Variants in PKHD1 observed in about 807,000 individuals in gnomAD.
The protein encoded by PKHD1 is fibrocystin.
PKHD1 carries 291 observed loss-of-function variants against 412.0 expected under a neutral mutation model. That is an observed-to-expected ratio of 0.71 (90% confidence interval 0.64 to 0.78). PKHD1 has a LOEUF of 0.78. Among genes scored for constraint, PKHD1 ranks in the 30% least tolerant of loss-of-function variants. The probability of loss-of-function intolerance (pLI) is 0.00; values close to 1 mark genes in which losing one functional copy is unlikely to be tolerated. For synonymous variants in PKHD1, 1,777 were observed against 1,821.5 expected (o/e 0.98, Z 0.62); for missense variants, 4,825 against 4,950.7 (o/e 0.97, Z 0.76).
Position 52,025,598 on chromosome 6 carries a change from C to T in PKHD1, c.4212G>A (p.Gly1404=), listed in dbSNP as rs751984319. ...IFPSQGSACG[G]TILTVRGLLL... ...GCAACCCCCTCACAGTAAGTATGGT[C>T]CCACCACATGCCGAACCCTGCGATG... Residue 1404 remains glycine (G), a synonymous_variant, in exon 32 of 67, where the codon GGG becomes GGA. Transcript: ENST00000371117. The T allele has an allele frequency of 8.1e-6, 13 of 1,614,062 alleles. No individual in the cohort carries two copies. In the East Asian group the frequency reaches 2.7e-4, roughly 33 times the overall value.
chr6:52,055,810 T>C, intron 18 of PKHD1, 81 bp from the exon 19 acceptor site: 1 of 1,447,930 alleles, frequency 6.9e-7, no homozygotes, highest in Non-Finnish European at 9.5e-7. Flanking sequence ...TGCATGAGGA[T>C]TTTAGAGTAT....
intron 52 of PKHD1, among the ~76,000 whole-genome samples, chr6:51,829,855 G>C (rs1354330931): frequency 1.3e-5 from 2 of 152,168 alleles, no homozygotes; most frequent in Non-Finnish European, 2.9e-5. Context: ...CTGGAAGAAA[G>C]ACTGCTTGGG....
intron 52 of PKHD1, among the ~76,000 whole-genome samples, chr6:51,826,474 T>C (rs989047248): frequency 1.3e-5 from 2 of 152,132 alleles, no homozygotes; most frequent in African/African-American, 4.8e-5. Context: ...ACAAATCCAC[T>C]CTGGTCAGTT....
intron 27 of PKHD1, among the ~76,000 whole-genome samples, chr6:52,036,989 T>C (rs544447755): frequency 3.3e-5 from 5 of 152,030 alleles, no homozygotes; most frequent in Admixed American, 6.5e-5. Flanking sequence ...AAACAAAATT[T>C]CAAAAAGAAG....
At chr6:51,865,430 A>C (rs1774902609) in intron 48 of PKHD1, among the ~76,000 whole-genome samples, 1 of 152,196 alleles carries the variant, frequency 6.6e-6, no homozygotes, top group Admixed American at 6.5e-5. Context: ...GTCAGATTTA[A>C]GGCAGTGAGG....
chr6:51,928,203 C>T (rs976737053), intron 37 of PKHD1, among the ~76,000 whole-genome samples: 2 of 152,200 alleles, frequency 1.3e-5, no homozygotes, highest in East Asian at 1.9e-4. Context: ...AGGAAGGTAA[C>T]ATTAAATGAA....
chr6:51,953,359 G>A (rs1295811842), intron 36 of PKHD1, among the ~76,000 whole-genome samples: 1 of 151,930 alleles, frequency 6.6e-6, no homozygotes, highest in Admixed American at 6.6e-5. Flanking sequence ...TTCAGATTTT[G>A]TTTTATCCTA....
At chr6:51,666,821 T>A (rs906101591) in intron 60 of PKHD1, among the ~76,000 whole-genome samples, 2 of 151,840 alleles carry the variant, frequency 1.3e-5, no homozygotes, top group African/African-American at 4.8e-5. Context: ...TGCGATAGTT[T>A]ACTGAGAATG....
intron 50 of PKHD1, among the ~76,000 whole-genome samples, chr6:51,837,542 C>A: frequency 6.6e-6 from 1 of 151,962 alleles, no homozygotes; most frequent in East Asian, 1.9e-4. Context: ...CCCATCTCTA[C>A]TAAAAACACA....
intron 36 of PKHD1, among the ~76,000 whole-genome samples, chr6:51,952,287 T>C (rs1790470314): frequency 6.6e-6 from 1 of 152,204 alleles, no homozygotes; most frequent in Admixed American, 6.5e-5. Flanking sequence ...ATAAAATTGG[T>C]CACTGTCTGG....
intron 53 of PKHD1, among the ~76,000 whole-genome samples, chr6:51,778,479 G>A (rs1472765886): frequency 1.3e-5 from 2 of 152,038 alleles, no homozygotes; most frequent in African/African-American, 4.8e-5. Flanking sequence ...GCGAAGTTGG[G>A]CCTTAGACTT....
At chr6:51,629,458 A>G (rs571285645) in intron 65 of PKHD1, among the ~76,000 whole-genome samples, 1 of 152,232 alleles carries the variant, frequency 6.6e-6, no homozygotes, top group Non-Finnish European at 1.5e-5. Context: ...AGTATGTGAA[A>G]AAAATGCTCA....
Position 52,025,053 on chromosome 6 carries a change from T to C in PKHD1, c.4757A>G (p.His1586Arg). Residue 1586 changes from histidine (H) to arginine (R), a missense_variant, in exon 32 of 67, where the codon CAT becomes CGT. Transcript: ENST00000371117. ...FHYFPKNFSL[H>R]GGSLLTIEGT... ...CTCTATGGTCAAGAGGCTTCCACCA[T>C]GTAAGCTGAAATTCTTAGGAAAATA... is the stretch of plus-strand genomic sequence containing the variant. 1 of 1,614,130 alleles carries C rather than the reference T, an allele frequency of 6.2e-7. No homozygotes were observed. Among genetic ancestry groups the C allele is most frequent in the Non-Finnish European group, 8.5e-7 (1 of 1,180,022 alleles).
intron 63 of PKHD1, among the ~76,000 whole-genome samples, chr6:51,647,122 A>T (rs1319787976): frequency 6.6e-6 from 1 of 152,184 alleles, no homozygotes; most frequent in East Asian, 1.9e-4. Flanking sequence ...CATTCTCCTT[A>T]ACATATTTTC....
chr6:52,048,211 G>C (rs1806170208), intron 23 of PKHD1, among the ~76,000 whole-genome samples: 1 of 152,218 alleles, frequency 6.6e-6, no homozygotes, highest in African/African-American at 2.4e-5. Context: ...AAGCCACCAA[G>C]TTTGTGGTTA....
chr6:51,853,461 G>A (rs1772691585), intron 49 of PKHD1, among the ~76,000 whole-genome samples: 1 of 152,172 alleles, frequency 6.6e-6, no homozygotes, highest in Non-Finnish European at 1.5e-5. Flanking sequence ...GAATTTGCAT[G>A]TTGGCCTGTC....
intron 5 of PKHD1, among the ~76,000 whole-genome samples, chr6:52,076,997 C>T (rs2128237392): frequency 6.6e-6 from 1 of 152,294 alleles, no homozygotes; most frequent in East Asian, 1.9e-4. Context: ...CCTGAGAAAG[C>T]CTGGCGGTAG....
At chr6:51,709,422 A>G (rs762697866) in intron 60 of PKHD1, among the ~76,000 whole-genome samples, 1 of 152,196 alleles carries the variant, frequency 6.6e-6, no homozygotes, top group Non-Finnish European at 1.5e-5. Flanking sequence ...CAGCAAAATT[A>G]TTAACTGTTT....
chr6:51,675,043 T>A (rs573918503), intron 60 of PKHD1, among the ~76,000 whole-genome samples: 1 of 152,316 alleles, frequency 6.6e-6, no homozygotes, highest in Admixed American at 6.5e-5. Context: ...TTTGTCAGTA[T>A]CTTATTCATT....
Sources: allele counts gnomAD v4.1 joint callset (sites outside exome capture counted in the v4.1 genomes callset), GRCh38; gene constraint gnomAD v4.1.1; transcripts MANE v1.5; gene names NCBI Gene and HGNC (gene_info 2026-07-23, HGNC 2026-07-21).